Variants in AFG1L observed in about 807,000 individuals in gnomAD.
AFG1L encodes the protein AFG1-like ATPase.
AFG1L carries 53 observed loss-of-function variants against 62.2 expected under a neutral mutation model. The ratio of observed to expected loss-of-function variants is 0.85; its 90% CI spans 0.68 to 1.07. The LOEUF (loss-of-function observed/expected upper bound fraction) is 1.07, where lower values mean the gene tolerates loss of function less well. Among genes scored for constraint, AFG1L ranks in the 50% least tolerant of loss-of-function variants. AFG1L has a pLI of 0.00. For missense variants in AFG1L, 555 were observed against 590.5 expected, an observed-to-expected ratio of 0.94 and a Z score of 0.62; for synonymous variants, 228 against 210.3, an observed-to-expected ratio of 1.08 and a Z score of -0.73.
intron 10 of AFG1L, among the ~76,000 whole-genome samples, chr6:108,498,703 G>T (rs1463136140): frequency 6.6e-6 from 1 of 152,152 alleles, no homozygotes; most frequent in South Asian, 2.1e-4. Flanking sequence ...GGCCAGGCAC[G>T]GTGGTTCATG....
intron 6 of AFG1L, among the ~76,000 whole-genome samples, chr6:108,372,133 A>G (rs1288208210): frequency 2.0e-5 from 3 of 151,784 alleles, no homozygotes; most frequent in Non-Finnish European, 2.9e-5. Flanking sequence ...TTCACTTTAT[A>G]TAAATTATGT....
chr6:108,389,755 T>C (rs1780962843), intron 6 of AFG1L, among the ~76,000 whole-genome samples: 1 of 152,210 alleles, frequency 6.6e-6, no homozygotes, highest in African/African-American at 2.4e-5. Flanking sequence ...CCGCTGTTAG[T>C]GTGATGGGCT....
At chr6:108,337,519 A>G (rs1778517483) in intron 2 of AFG1L, among the ~76,000 whole-genome samples, 1 of 152,196 alleles carries the variant, frequency 6.6e-6, no homozygotes, top group Admixed American at 6.5e-5. Flanking sequence ...AGCACAGTAC[A>G]TGCCCATAAA....
intron 8 of AFG1L, among the ~76,000 whole-genome samples, chr6:108,464,588 A>G (rs78606104): frequency 2.0e-5 from 3 of 152,178 alleles, no homozygotes; most frequent in Admixed American, 1.3e-4. Context: ...ACTTAAAGAC[A>G]CAGTGGTACT....
At chr6:108,448,276 C>A (rs138258223) in intron 8 of AFG1L, among the ~76,000 whole-genome samples, 2 of 152,120 alleles carry the variant, frequency 1.3e-5, no homozygotes, top group Non-Finnish European at 1.5e-5. Flanking sequence ...TTAAAAAATT[C>A]ATAGAGCACA....
intron 11 of AFG1L, among the ~76,000 whole-genome samples, chr6:108,513,349 A>T (rs961975546): frequency 6.6e-6 from 1 of 152,234 alleles, no homozygotes; most frequent in East Asian, 1.9e-4. Context: ...GGCATCAGGG[A>T]ATTCCCTTTC....
intron 10 of AFG1L, among the ~76,000 whole-genome samples, chr6:108,479,733 C>A (rs766599283): frequency 1.4e-4 from 21 of 152,064 alleles, no homozygotes; most frequent in Non-Finnish European, 2.6e-4. Flanking sequence ...TTGCCAAAAA[C>A]CATTAAGTAA....
chr6:108,405,093 T>A (rs1375392712), intron 7 of AFG1L, among the ~76,000 whole-genome samples: 1 of 152,148 alleles, frequency 6.6e-6, no homozygotes, highest in Non-Finnish European at 1.5e-5. Context: ...GTAGCATTGC[T>A]CCTTTTCAAG....
chr6:108,452,346 G>A (rs1002569353), intron 8 of AFG1L, among the ~76,000 whole-genome samples: 5 of 152,254 alleles, frequency 3.3e-5, no homozygotes, highest in South Asian at 2.1e-4. Flanking sequence ...ATTGTGAAGC[G>A]TTACTGGTTT....
intron 3 of AFG1L, among the ~76,000 whole-genome samples, chr6:108,351,375 C>G (rs921255139): frequency 6.6e-6 from 1 of 152,090 alleles, no homozygotes; most frequent in South Asian, 2.1e-4. Context: ...TCATTATATG[C>G]GTTACTGTTT....
Position 108,295,136 on chromosome 6 carries a change from G to A in AFG1L, c.57G>A (p.Leu19=), listed in dbSNP as rs777278289. Residue 19 remains leucine, a synonymous_variant, in exon 1 of 13, where the codon CTG becomes CTA. Transcript: ENST00000368977. ...VTLRPLAQSP[L]RGRCVGCGAW... is the part of the protein sequence containing the mutation. ...TGCGCCCCTTAGCACAGAGCCCGCT[G>A]AGAGGGAGATGTGTTGGGTGCGGGG... 3.1e-6 allele frequency: 5 copies of A among 1,611,082 alleles called. No individual in the cohort carries two copies. The Admixed American group carries it at 8.3e-5, about 27-fold the overall frequency.
intron 11 of AFG1L, among the ~76,000 whole-genome samples, chr6:108,516,043 T>C (rs905334945): frequency 5.9e-5 from 9 of 152,140 alleles, no homozygotes; most frequent in Non-Finnish European, 1.3e-4. Flanking sequence ...CAGGACCAGA[T>C]GGATTCACAG....
chr6:108,331,367 T>C (rs1462537264), intron 2 of AFG1L, among the ~76,000 whole-genome samples: 1 of 152,176 alleles, frequency 6.6e-6, no homozygotes, highest in African/African-American at 2.4e-5. Flanking sequence ...ATTATACTCC[T>C]AAGAAACTTT....
intron 5 of AFG1L, among the ~76,000 whole-genome samples, chr6:108,360,479 A>G (rs556763365): frequency 1.3e-5 from 2 of 152,272 alleles, no homozygotes; most frequent in South Asian, 4.1e-4. Flanking sequence ...GCATTCTTGT[A>G]TGTTAGAGTT....
intron 6 of AFG1L, among the ~76,000 whole-genome samples, chr6:108,391,640 C>A (rs1285324857): frequency 6.6e-6 from 1 of 152,136 alleles, no homozygotes; most frequent in South Asian, 2.1e-4. Context: ...GTAGTTAAGT[C>A]CCACCTATTT....
At chr6:108,435,631 A>T (rs932463601) in intron 7 of AFG1L, among the ~76,000 whole-genome samples, 3 of 152,184 alleles carry the variant, frequency 2.0e-5, no homozygotes, top group Non-Finnish European at 4.4e-5. Flanking sequence ...ATGTTTCCTC[A>T]TATAGACTCG....
At chr6:108,494,031 T>C (rs1199013044) in intron 10 of AFG1L, among the ~76,000 whole-genome samples, 3 of 152,134 alleles carry the variant, frequency 2.0e-5, no homozygotes, top group Non-Finnish European at 4.4e-5. Context: ...GGTTTTGTCA[T>C]ATTGGCCAGG....
At chr6:108,513,068 T>C (rs1774721167) in intron 11 of AFG1L, among the ~76,000 whole-genome samples, 1 of 152,214 alleles carries the variant, frequency 6.6e-6, no homozygotes, top group African/African-American at 2.4e-5. Flanking sequence ...TTTTTAAAGA[T>C]AGCTATGAAT....
chr6:108,521,737 C>A (rs1349006314), intron 12 of AFG1L: 1 of 152,396 alleles, frequency 6.6e-6, no homozygotes, highest in Non-Finnish European at 1.5e-5. Flanking sequence ...TCTGGGGTTA[C>A]CAGCCTCACA....
Sources: gnomAD v4.1 joint callset for allele counts (sites outside exome capture counted in the v4.1 genomes callset) on GRCh38, gnomAD v4.1.1 for gene constraint, MANE v1.5 for transcripts, NCBI Gene and HGNC (gene_info 2026-07-23, HGNC 2026-07-21) for gene names.